NALF1: variants seen among roughly 807,000 people sequenced by gnomAD.
NALF1 encodes the protein NALCN channel auxiliary factor 1.
In NALF1, 3 loss-of-function variants were observed where a neutral mutation model predicts 48.4. The ratio of observed to expected loss-of-function variants is 0.06; its 90% confidence interval spans 0.03 to 0.16. The LOEUF (loss-of-function observed/expected upper bound fraction) is 0.16, where lower values mean the gene tolerates loss of function less well. Ranked by LOEUF, NALF1 falls within the 10% of genes least tolerant of loss-of-function variation. The pLI is 1.00. For synonymous variants in NALF1, 262 were observed against 245.7 expected (o/e 1.07, Z -0.62); for missense variants, 526 against 571.5 (o/e 0.92, Z 0.81).
chr13:107,319,109 T>A (rs1882205358), intron 1 of NALF1, among the ~76,000 whole-genome samples: 1 of 152,050 alleles, frequency 6.6e-6, no homozygotes, highest in Non-Finnish European at 1.5e-5. Context: ...TCTCTCAGCA[T>A]TGTTTGATTG....
chr13:107,482,922 C>A (rs552888439), intron 1 of NALF1, among the ~76,000 whole-genome samples: 11 of 152,314 alleles, frequency 7.2e-5, no homozygotes, highest in Non-Finnish European at 1.3e-4. Context: ...CTGGCCTCAG[C>A]CCCATGTAAC....
intron 1 of NALF1, among the ~76,000 whole-genome samples, chr13:107,716,493 A>G: frequency 6.6e-6 from 1 of 152,184 alleles, no homozygotes; most frequent in Non-Finnish European, 1.5e-5. Context: ...TTGATGTGGG[A>G]GAGAATCTCT....
chr13:107,281,833 G>A (rs1349577214), intron 1 of NALF1, among the ~76,000 whole-genome samples: 2 of 152,182 alleles, frequency 1.3e-5, no homozygotes, highest in Non-Finnish European at 2.9e-5. Flanking sequence ...ACAATGAATG[G>A]AGGAGGAACT....
At chr13:107,800,772 A>C (rs1160019920) in intron 1 of NALF1, among the ~76,000 whole-genome samples, 1 of 148,540 alleles carries the variant, frequency 6.7e-6, no homozygotes, top group Non-Finnish European at 1.5e-5. Flanking sequence ...TGTATAATAT[A>C]GTTTATTATA....
chr13:107,625,186 T>A (rs535108156), intron 1 of NALF1, among the ~76,000 whole-genome samples: 60 of 152,236 alleles, frequency 3.9e-4, no homozygotes, highest in African/African-American at 1.4e-3. Flanking sequence ...TTAGCCTATC[T>A]CTACTTGCAG....
chr13:107,387,748 A>T (rs1257854414), intron 1 of NALF1, among the ~76,000 whole-genome samples: 1 of 152,216 alleles, frequency 6.6e-6, no homozygotes, highest in Non-Finnish European at 1.5e-5. Context: ...AAAGCTAACA[A>T]TTGGTGCAGC....
At chr13:107,186,521 C>T (rs185802574) in intron 2 of NALF1, among the ~76,000 whole-genome samples, 232 of 152,252 alleles carry the variant, frequency 1.5e-3, no homozygotes, top group Non-Finnish European at 2.7e-3. Flanking sequence ...GTGCGTGCCA[C>T]CACGCCCAGC....
At chr13:107,635,273 C>T (rs527978949) in intron 1 of NALF1, among the ~76,000 whole-genome samples, 4 of 152,054 alleles carry the variant, frequency 2.6e-5, no homozygotes, top group African/African-American at 9.7e-5. Context: ...TTCCTCATGG[C>T]TCGGGAGGCC....
intron 1 of NALF1, among the ~76,000 whole-genome samples, chr13:107,506,030 T>C (rs1875687710): frequency 1.3e-5 from 2 of 152,192 alleles, no homozygotes; most frequent in African/African-American, 2.4e-5. Flanking sequence ...ATTTACTTGA[T>C]ATAATAATTT....
chr13:107,306,204 G>C (rs1441182156), intron 1 of NALF1, among the ~76,000 whole-genome samples: 1 of 152,074 alleles, frequency 6.6e-6, no homozygotes, highest in African/African-American at 2.4e-5. Context: ...CCAAAGAAAA[G>C]CCACCAGACA....
chr13:107,720,066 G>C (rs950674108), intron 1 of NALF1, among the ~76,000 whole-genome samples: 1 of 151,970 alleles, frequency 6.6e-6, no homozygotes, highest in Non-Finnish European at 1.5e-5. Flanking sequence ...CACCTCCATG[G>C]AGCCTCTCCT....
At chr13:107,547,125 T>C (rs1211998642) in intron 1 of NALF1, among the ~76,000 whole-genome samples, 1 of 152,224 alleles carries the variant, frequency 6.6e-6, no homozygotes, top group Non-Finnish European at 1.5e-5. Context: ...TGAGCATTGA[T>C]AATCATCACA....
chr13:107,825,938 G>A (rs1879502862), intron 1 of NALF1, among the ~76,000 whole-genome samples: 2 of 151,672 alleles, frequency 1.3e-5, no homozygotes, highest in Middle Eastern at 3.4e-3. Context: ...CCGCCACTGC[G>A]CCCAGCTAAT....
chr13:107,449,318 T>G (rs1228078918), intron 1 of NALF1, among the ~76,000 whole-genome samples: 2 of 151,292 alleles, frequency 1.3e-5, no homozygotes, highest in Non-Finnish European at 2.9e-5. Context: ...GGGTGGAGTG[T>G]GAAACTGGAA....
intron 1 of NALF1, among the ~76,000 whole-genome samples, chr13:107,575,926 T>C (rs1296956152): frequency 6.6e-6 from 1 of 151,840 alleles, no homozygotes; most frequent in Non-Finnish European, 1.5e-5. Flanking sequence ...TGTATGTTTA[T>C]ATGTGTGCAT....
At chr13:107,705,295 G>A (rs890472568) in intron 1 of NALF1, among the ~76,000 whole-genome samples, 2 of 152,164 alleles carry the variant, frequency 1.3e-5, no homozygotes, top group Admixed American at 1.3e-4. Flanking sequence ...TTGCCACAAT[G>A]AATTCTCAGT....
intron 1 of NALF1, chr13:107,465,939 G>C (rs1884994831): frequency 6.6e-6 from 1 of 152,562 alleles, no homozygotes; most frequent in South Asian, 2.0e-4. Flanking sequence ...GACTGTATTA[G>C]TCTGTTTTCA....
chr13:107,693,197 A>G (rs548354084), intron 1 of NALF1, among the ~76,000 whole-genome samples: 16 of 152,090 alleles, frequency 1.1e-4, no homozygotes, highest in Non-Finnish European at 1.9e-4. Context: ...GTTGGAAACC[A>G]TCATTCTGAG....
rs537759304 is a variant in NALF1 at position 107,670,158 on chromosome 13, C to T, written c.915+195524G>A. Reference sequence around the variant, plus strand: ...TGTCTCCAGAGAATTTGCTGGTGTGCGTAAAGGTGAATTCATTATACAGAA... The same window carrying T: ...TGTCTCCAGAGAATTTGCTGGTGTGTGTAAAGGTGAATTCATTATACAGAA... On this transcript the variant is annotated intron_variant, in intron 1 of 2. Transcript: ENST00000375915. 1.5e-3 allele frequency among the ~76,000 whole-genome samples: 223 copies of T among 152,018 alleles called. 4 individuals carry two copies. Among genetic ancestry groups the T allele is most frequent in the Non-Finnish European group, 1.8e-3 (125 of 67,970 alleles).
Sources: gnomAD v4.1 joint callset for allele counts (sites outside exome capture counted in the v4.1 genomes callset) on GRCh38, gnomAD v4.1.1 for gene constraint, MANE v1.5 for transcripts, NCBI Gene and HGNC (gene_info 2026-07-23, HGNC 2026-07-21) for gene names.